CACNB4: variants seen among roughly 807,000 people sequenced by gnomAD.
The protein encoded by CACNB4 is calcium voltage-gated channel auxiliary subunit beta 4.
A neutral mutation model predicts 71.2 loss-of-function variants in CACNB4; 32 were observed. The observed-to-expected ratio is 0.45, with a 90% CI of 0.34 to 0.60. CACNB4 has a LOEUF of 0.60. CACNB4 is among the 20% of genes least tolerant of loss of function. The probability of loss-of-function intolerance (pLI) is 0.01; values close to 1 mark genes in which losing one functional copy is unlikely to be tolerated. For missense variants in CACNB4, 464 were observed against 647.9 expected (o/e 0.72, Z 3.08); for synonymous variants, 231 against 236.9 (o/e 0.97, Z 0.23).
At chr2:151,881,600 G>A (rs1171847539) in intron 3 of CACNB4, among the ~76,000 whole-genome samples, 3 of 152,158 alleles carry the variant, frequency 2.0e-5, no homozygotes, top group South Asian at 2.1e-4. Context: ...ACCCAAATTC[G>A]GGTGACCACA....
chr2:151,913,412 C>T (rs1273606765), intron 2 of CACNB4, among the ~76,000 whole-genome samples: 1 of 152,066 alleles, frequency 6.6e-6, no homozygotes, highest in Admixed American at 6.6e-5. Flanking sequence ...TTTTATTTCT[C>T]CTTCACTTAT....
chr2:151,946,236 G>A (rs75752444), intron 2 of CACNB4, among the ~76,000 whole-genome samples: 2,849 of 152,178 alleles, frequency 0.019, 32 homozygotes, highest in Middle Eastern at 0.031. Flanking sequence ...GGCTGAGGCA[G>A]GAGAATCACT....
intron 2 of CACNB4, among the ~76,000 whole-genome samples, chr2:151,935,448 G>T (rs775219451): frequency 6.6e-5 from 10 of 152,318 alleles, no homozygotes; most frequent in Non-Finnish European, 1.2e-4. Flanking sequence ...AAATTATCAT[G>T]TTGTCTCTGA....
At chr2:152,084,098 T>A (rs1687515197) in intron 2 of CACNB4, among the ~76,000 whole-genome samples, 1 of 152,192 alleles carries the variant, frequency 6.6e-6, no homozygotes, top group South Asian at 2.1e-4. Flanking sequence ...TGGGTCGACA[T>A]GAATGAGTAC....
chr2:151,939,744 C>T (rs1163495069), intron 2 of CACNB4, among the ~76,000 whole-genome samples: 1 of 152,132 alleles, frequency 6.6e-6, no homozygotes, highest in Non-Finnish European at 1.5e-5. Context: ...ACCCAAGGCA[C>T]TTATTTACTA....
In CACNB4 at chr2:152,098,887, C is replaced by A; in HGVS notation, c.63+62G>T. 1 of 1,124,632 alleles carries A rather than the reference C, an allele frequency of 8.9e-7. No homozygotes were observed. The highest frequency in any genetic ancestry group is 1.2e-6 in the Non-Finnish European group (1 of 853,476). The allele number at this position is 1,124,632 out of a possible 1,614,324, so 69.7% of individuals were successfully genotyped here. A position where few individuals can be genotyped will look rare whatever the true frequency, so the allele number is the denominator to read the frequency against. On this transcript the variant is annotated intron_variant, in intron 1 of 13. Coordinates refer to ENST00000539935, the MANE Select transcript of CACNB4 (RefSeq NM_000726.5). The surrounding 1 kb of genome is among the most constrained non-coding windows in gnomAD (Gnocchi z 5.3). ...GGCACGAAGGCGGGGCGCGCTAGGGCGGCGGAGGAGGTGTGAGGAAGGAAG... is the reference window on the plus strand; with the variant it reads ...GGCACGAAGGCGGGGCGCGCTAGGGAGGCGGAGGAGGTGTGAGGAAGGAAG...
intron 2 of CACNB4, among the ~76,000 whole-genome samples, chr2:152,020,870 T>C (rs1409698576): frequency 6.6e-6 from 1 of 152,196 alleles, no homozygotes; most frequent in African/African-American, 2.4e-5. Flanking sequence ...TAAATGTAAA[T>C]ATTTAATATC....
intron 2 of CACNB4, among the ~76,000 whole-genome samples, chr2:151,938,467 G>A (rs1356733): frequency 0.11 from 17,495 of 152,220 alleles, 1,877 homozygotes; most frequent in East Asian, 0.55. Context: ...GTATCTGGGT[G>A]TAGAGGTGGT....
chr2:151,896,281 G>A (rs531885572), intron 2 of CACNB4, among the ~76,000 whole-genome samples: 11 of 152,170 alleles, frequency 7.2e-5, no homozygotes, highest in Non-Finnish European at 1.5e-4. Flanking sequence ...AGGTGATATC[G>A]CCTTGTGCAG....
chr2:151,875,756 C>G (rs1261595097), intron 5 of CACNB4, among the ~76,000 whole-genome samples: 1 of 98,208 alleles, frequency 1.0e-5, no homozygotes, highest in Non-Finnish European at 2.1e-5. Context: ...CGGGCAGAGG[C>G]ACCCCTCACC....
intron 2 of CACNB4, among the ~76,000 whole-genome samples, chr2:151,989,829 C>T (rs1213883884): frequency 6.6e-6 from 1 of 152,194 alleles, no homozygotes; most frequent in Non-Finnish European, 1.5e-5. Flanking sequence ...TCCTTATATT[C>T]TAAAACAGAG....
chr2:152,037,101 G>C (rs1032318439), intron 2 of CACNB4, among the ~76,000 whole-genome samples: 1 of 152,156 alleles, frequency 6.6e-6, no homozygotes, highest in African/African-American at 2.4e-5. Flanking sequence ...TGATTCTTGC[G>C]GGGGCATAGG....
chr2:152,005,510 G>T (rs546100050), intron 2 of CACNB4, among the ~76,000 whole-genome samples: 2 of 152,128 alleles, frequency 1.3e-5, no homozygotes, highest in Non-Finnish European at 2.9e-5. Context: ...AGAGACAATG[G>T]AGACTTCAAA....
chr2:152,084,893 G>C (rs962738376), intron 2 of CACNB4, among the ~76,000 whole-genome samples: 3 of 152,000 alleles, frequency 2.0e-5, no homozygotes, highest in Non-Finnish European at 4.4e-5. Flanking sequence ...CCAAAGTGCT[G>C]GGATTACAGG....
At chr2:152,049,894 T>C (rs994682497) in intron 2 of CACNB4, among the ~76,000 whole-genome samples, 2 of 152,264 alleles carry the variant, frequency 1.3e-5, no homozygotes, top group East Asian at 1.9e-4. Context: ...GTGACTGTCA[T>C]TAACCTACAG....
chr2:152,035,651 C>CTCTCTCTCTCCA (rs796161186), intron 2 of CACNB4, among the ~76,000 whole-genome samples: 1 of 118,042 alleles, frequency 8.5e-6, no homozygotes, highest in South Asian at 2.8e-4. Flanking sequence ...CTCTCTCTCT[C>CTCTCTCTCTCCA]TATATATATA....
chr2:151,900,623 A>G (rs1487695765), intron 2 of CACNB4, among the ~76,000 whole-genome samples: 1 of 152,198 alleles, frequency 6.6e-6, no homozygotes, highest in Non-Finnish European at 1.5e-5. Flanking sequence ...GTTTGCAGCC[A>G]TATGGTTGTG....
intron 2 of CACNB4, among the ~76,000 whole-genome samples, chr2:152,077,423 C>T (rs1375997085): frequency 2.0e-5 from 3 of 152,108 alleles, no homozygotes; most frequent in Non-Finnish European, 2.9e-5. Context: ...TGTGGTGGCA[C>T]GTGCCTGTAA....
intron 2 of CACNB4, among the ~76,000 whole-genome samples, chr2:151,950,607 C>A (rs544475550): frequency 6.6e-6 from 1 of 152,112 alleles, no homozygotes; most frequent in African/African-American, 2.4e-5. Flanking sequence ...GCTATCTAAC[C>A]ATAAATGGAA....
Sources: allele counts gnomAD v4.1 joint callset (sites outside exome capture counted in the v4.1 genomes callset), GRCh38; gene constraint gnomAD v4.1.1; non-coding constraint Gnocchi (gnomAD v3.1); transcripts MANE v1.5; gene names NCBI Gene and HGNC (gene_info 2026-07-23, HGNC 2026-07-21).